The following CLEC16A variants were observed in gnomAD, a reference collection of about 807,000 sequenced individuals.
CLEC16A encodes protein CLEC16A.
A neutral mutation model predicts 109.5 loss-of-function variants in CLEC16A; 51 were observed. That is an observed-to-expected ratio of 0.47 (90% CI 0.37 to 0.59). CLEC16A has a LOEUF of 0.59. Among genes scored for constraint, CLEC16A ranks in the 20% least tolerant of loss-of-function variants. CLEC16A has a pLI of 0.00. For missense variants in CLEC16A, 1,339 were observed against 1,394.0 expected (o/e 0.96, Z 0.63); for synonymous variants, 673 against 564.2 (o/e 1.19, Z -2.73).
intron 22 of CLEC16A, among the ~76,000 whole-genome samples, chr16:11,133,479 A>G (rs2053366205): frequency 6.6e-6 from 1 of 152,176 alleles, no homozygotes; most frequent in African/African-American, 2.4e-5. Context: ...TTCCGTGGAA[A>G]AGCCTCGCCG....
intron 13 of CLEC16A, 117 bp downstream of exon 13, chr16:11,025,038 GTTTTGGTGGTCCT>G (rs915094761): frequency 5.3e-6 from 4 of 754,602 alleles, no homozygotes; most frequent in Admixed American, 4.6e-5. Flanking sequence ...TTCCTTTCTG[GTTTTGGTGGTCCT>G]TTTTGGTTTT....
intron 22 of CLEC16A, among the ~76,000 whole-genome samples, chr16:11,149,104 G>A (rs904586783): frequency 6.6e-6 from 1 of 152,224 alleles, no homozygotes; most frequent in Non-Finnish European, 1.5e-5. Context: ...TGGCCAGTAT[G>A]TTAGCAGAGG....
chr16:11,151,662 A>G (rs2054295007), intron 22 of CLEC16A, among the ~76,000 whole-genome samples: 1 of 152,228 alleles, frequency 6.6e-6, no homozygotes, highest in Non-Finnish European at 1.5e-5. Flanking sequence ...CAGGCATTAA[A>G]TCAATCAGTG....
chr16:10,983,581 C>CA (rs2043452338), intron 10 of CLEC16A, among the ~76,000 whole-genome samples: 1 of 152,170 alleles, frequency 6.6e-6, no homozygotes. Context: ...TTGTGGTCTG[C>CA]AGGAAGGAGC....
At chr16:11,095,116 C>G (rs1464875574) in intron 19 of CLEC16A, among the ~76,000 whole-genome samples, 5 of 147,698 alleles carry the variant, frequency 3.4e-5, no homozygotes, top group Middle Eastern at 3.5e-3. Flanking sequence ...AGTGGGTAGT[C>G]TTTTAAATGA....
chr16:11,109,207 C>CCAGG (rs2051415917), intron 19 of CLEC16A, among the ~76,000 whole-genome samples: 1 of 151,014 alleles, frequency 6.6e-6, no homozygotes, highest in Admixed American at 6.6e-5. Context: ...ACTCTGTCAC[C>CCAGG]CAGGCAGTGG....
chr16:11,109,181 T>C (rs1003713877), intron 19 of CLEC16A, among the ~76,000 whole-genome samples: 2 of 150,788 alleles, frequency 1.3e-5, no homozygotes, highest in African/African-American at 4.9e-5. Context: ...TTTTTTTTTT[T>C]ATTAGATGGA....
chr16:11,095,090 TTTC>T (rs1197177463), intron 19 of CLEC16A, among the ~76,000 whole-genome samples: 1 of 151,950 alleles, frequency 6.6e-6, no homozygotes, highest in African/African-American at 2.4e-5. Context: ...AATCTTTTTT[TTTC>T]TTTTTTTTTT....
At chr16:11,164,193 A>G (rs1393679015) in intron 22 of CLEC16A, among the ~76,000 whole-genome samples, 1 of 152,190 alleles carries the variant, frequency 6.6e-6, no homozygotes, top group South Asian at 2.1e-4. Flanking sequence ...CGGGCAGGAA[A>G]TACCCTCCAC....
At chr16:11,156,814 C>T in intron 22 of CLEC16A, 3 of 520,824 alleles carry the variant, frequency 5.8e-6, no homozygotes, top group Middle Eastern at 6.9e-4. Context: ...ATTCCAAGAT[C>T]TGGTCCACCT....
intron 22 of CLEC16A, among the ~76,000 whole-genome samples, chr16:11,161,974 G>A (rs990875021): frequency 6.6e-6 from 1 of 152,230 alleles, no homozygotes; most frequent in Non-Finnish European, 1.5e-5. Context: ...CTGTAGAAGA[G>A]GAGGAGGGGG....
chr16:10,982,319 G>A (rs533240896), intron 9 of CLEC16A, among the ~76,000 whole-genome samples: 16 of 152,076 alleles, frequency 1.1e-4, no homozygotes, highest in Non-Finnish European at 1.5e-4. Flanking sequence ...TTTCAGCCCC[G>A]TAGTTCACAT....
At chr16:11,111,378 T>C (rs2051574345) in intron 19 of CLEC16A, among the ~76,000 whole-genome samples, 1 of 152,214 alleles carries the variant, frequency 6.6e-6, no homozygotes, top group Non-Finnish European at 1.5e-5. Context: ...CCATGGCTAC[T>C]TGGGCTTCCT....
rs536655831 is a variant in CLEC16A, at chr16:10,948,042, C to T, written c.80+3245C>T. On this transcript the variant is annotated intron_variant, in intron 1 of 23. Transcript: ENST00000409790. ...CAGAGTAGCTGGGACTACAGGCGCC[C>T]GCCACCACGCCCAGCTAATTTTTTG... 6.6e-3 allele frequency among the ~76,000 whole-genome samples: 1,006 copies of T among 152,054 alleles called. 13 individuals are homozygous for T. The highest frequency in any genetic ancestry group is 0.023 in the African/African-American group (947 of 41,466).
At chr16:11,146,309 A>G (rs1597558218) in intron 22 of CLEC16A, among the ~76,000 whole-genome samples, 1 of 152,204 alleles carries the variant, frequency 6.6e-6, no homozygotes, top group Non-Finnish European at 1.5e-5. Flanking sequence ...TGTAAGCTCC[A>G]GGAAAACAGG....
intron 13 of CLEC16A, among the ~76,000 whole-genome samples, chr16:11,035,042 A>T (rs149111843): frequency 6.6e-6 from 1 of 152,316 alleles, no homozygotes; most frequent in Non-Finnish European, 1.5e-5. Context: ...ATCAGCCACC[A>T]GGTTGTTTCA....
chr16:11,039,835 C>G lies in CLEC16A; in HGVS notation c.1619C>G (p.Ala540Gly), dbSNP rs1373925445. The change falls in exon 14 of 24, where the codon GCT becomes GGT. Residue 540 changes from alanine to glycine, a missense_variant. Physicochemically the swap from Ala to Gly is moderately conservative, Grantham distance 60. Around this residue, in one of 3 missense-constraint regions of CLEC16A, gnomAD observed 1,061 missense variants for 1,006.8 expected, o/e 1.05. Transcript: ENST00000409790. ...AEKTTYNHPL[A>G]ERLIRIMNNA... is the part of the protein sequence containing the mutation. ...AAGACCACCTACAACCACCCGCTAG[C>G]TGAAAGACTCATCAGGATCATGAAC... 3 of 1,612,534 alleles carry G rather than the reference C, an allele frequency of 1.9e-6. No homozygotes were observed. In the African/African-American group the frequency reaches 4.0e-5, roughly 22 times the overall value.
intron 1 of CLEC16A, among the ~76,000 whole-genome samples, chr16:10,956,000 G>A (rs1419298722): frequency 1.3e-5 from 2 of 152,240 alleles, no homozygotes; most frequent in African/African-American, 4.8e-5. Context: ...AAACTCTTGG[G>A]GAAGATGCAC....
At chr16:11,054,533 G>C (rs2048110888) in intron 18 of CLEC16A, among the ~76,000 whole-genome samples, 1 of 152,178 alleles carries the variant, frequency 6.6e-6, no homozygotes, top group African/African-American at 2.4e-5. Flanking sequence ...CTTCTCTAGA[G>C]TCTCTTTGCC....
Sources: allele counts gnomAD v4.1 joint callset (sites outside exome capture counted in the v4.1 genomes callset), GRCh38; gene constraint gnomAD v4.1.1; regional missense constraint gnomAD v4.1.1; transcripts MANE v1.5; gene names NCBI Gene and HGNC (gene_info 2026-07-23, HGNC 2026-07-21).